Variants in SYNPO2 observed in about 807,000 individuals in gnomAD.
The protein encoded by SYNPO2 is synaptopodin 2, also known as synaptopodin-2.
Under a neutral mutation model 85.0 loss-of-function variants are expected in SYNPO2, and 56 were observed. The observed-to-expected ratio is 0.66, with a 90% CI of 0.53 to 0.82. The LOEUF (loss-of-function observed/expected upper bound fraction) is 0.82, where lower values mean the gene tolerates loss of function less well. SYNPO2 is among the 40% of genes least tolerant of loss of function. SYNPO2 has a pLI of 0.00. For missense variants in SYNPO2, 1,575 were observed against 1,534.2 expected, an observed-to-expected ratio of 1.03 and a Z score of -0.44; for synonymous variants, 602 against 591.1, an observed-to-expected ratio of 1.02 and a Z score of -0.27.
chr4:119,023,866 A>G (rs1317474967), intron 2 of SYNPO2, among the ~76,000 whole-genome samples: 1 of 152,258 alleles, frequency 6.6e-6, no homozygotes. Flanking sequence ...TATATTGAGC[A>G]TAACTTAATA....
At chr4:118,920,809 C>A (rs1733506740) in intron 1 of SYNPO2, among the ~76,000 whole-genome samples, 1 of 151,922 alleles carries the variant, frequency 6.6e-6, no homozygotes, top group African/African-American at 2.4e-5. Flanking sequence ...AATAACCAGG[C>A]AGTAGGTGGG....
chr4:119,037,687 T>C (rs1261781195), intron 4 of SYNPO2: 1 of 976,904 alleles, frequency 1.0e-6, no homozygotes, highest in East Asian at 1.1e-4. Flanking sequence ...AGGAACTGTG[T>C]TAAATATTTT....
rs1738136353 is a variant in SYNPO2, at chr4:119,029,850, A to T, written c.1075A>T (p.Arg359Trp). The T allele has an allele frequency of 6.4e-7, 1 of 1,573,426 alleles. No individual in the cohort carries two copies. The highest frequency in any genetic ancestry group is 8.6e-7 in the Non-Finnish European group (1 of 1,159,598). The change falls in exon 4 of 5, where the codon AGG becomes TGG. Residue 359 changes from arginine to tryptophan, a missense_variant. This residue lies in a region of SYNPO2 where 1,508 missense variants were observed against 1,446.8 expected (regional missense o/e 1.04). Coordinates refer to ENST00000307142, the MANE Select transcript of SYNPO2 (RefSeq NM_133477.3). ...HKHRARHARLRRSESLSEKQV... is the reference protein window; with the variant it reads ...HKHRARHARLWRSESLSEKQV... ...TTTTTTTTTGCTTTCCCTAGGGCTCAGGAGGAGTGAAAGCCTGTCAGAAAA... is the reference window on the plus strand; with the variant it reads ...TTTTTTTTTGCTTTCCCTAGGGCTCTGGAGGAGTGAAAGCCTGTCAGAAAA...
rs376359189 is a variant in SYNPO2 at position 119,051,186 on chromosome 4, A to ATGTTTTTTTTTT, written c.3253-6214_3253-6213insGTTTTTTTTTTT. Among the ~76,000 whole-genome samples, 11 of 100,704 alleles carry ATGTTTTTTTTTT rather than the reference A, an allele frequency of 1.1e-4. 3 individuals carry two copies. Among genetic ancestry groups the ATGTTTTTTTTTT allele is most frequent in the Admixed American group, 2.6e-4 (2 of 7,784 alleles). The allele number at this position is 100,704 out of a possible 152,430, so 66.1% of individuals were successfully genotyped here. On this transcript the variant is annotated intron_variant, in intron 4 of 4. Transcript: ENST00000307142. ...CACTGGGGTAAAGCCATGGGAAGCAATTTTTTTTTTTTTTTTTTTTTGAGA... is the reference window on the plus strand; with the variant it reads ...CACTGGGGTAAAGCCATGGGAAGCAATGTTTTTTTTTTTTTTTTTTTTTTTTTTTTTTTGAGA...
chr4:118,887,609 G>A (rs950416187), upstream of SYNPO2, among the ~76,000 whole-genome samples: 2 of 152,262 alleles, frequency 1.3e-5, no homozygotes, highest in Non-Finnish European at 2.9e-5. Flanking sequence ...AAATGCATGT[G>A]TAGCTGACAT....
At chr4:119,052,247 G>A (rs1739074908) in intron 4 of SYNPO2, among the ~76,000 whole-genome samples, 1 of 152,184 alleles carries the variant, frequency 6.6e-6, no homozygotes, top group African/African-American at 2.4e-5. Context: ...CAGGCTAGGA[G>A]CAAGGGAGAG....
At chr4:118,892,339 T>G (rs1021218803) in intron 1 of SYNPO2, among the ~76,000 whole-genome samples, 3 of 152,178 alleles carry the variant, frequency 2.0e-5, no homozygotes, top group Non-Finnish European at 4.4e-5. Flanking sequence ...TTAATTTATA[T>G]TCTAAATATA....
chr4:118,879,883 A>C (rs1732045319), intron 1 of SYNPO2, among the ~76,000 whole-genome samples: 1 of 151,694 alleles, frequency 6.6e-6, no homozygotes, highest in South Asian at 2.1e-4. Context: ...GAGACCCTGC[A>C]ACCGTTTGCC....
rs66895824 is a variant in SYNPO2, at chr4:119,007,216, G to GTATA, written c.106-16188_106-16185dup. Among the ~76,000 whole-genome samples, 213 of 46,238 alleles carry GTATA rather than the reference G, an allele frequency of 4.6e-3. 2 individuals are homozygous for GTATA. The highest frequency in any genetic ancestry group is 0.015 in the South Asian group (17 of 1,152). The allele number at this position is 46,238 out of a possible 152,430, so 30.3% of individuals were successfully genotyped here. A position where few individuals can be genotyped will look rare whatever the true frequency, so the allele number is the denominator to read the frequency against. ...ATTCCCAAAACAAAAAAGAACAAAG[G>GTATA]TATATATATATATATATATATATAT... On this transcript the variant is annotated intron_variant, in intron 1 of 4. Transcript: ENST00000307142.
chr4:118,961,078 T>G (rs1328318389), intron 1 of SYNPO2, among the ~76,000 whole-genome samples: 2 of 147,788 alleles, frequency 1.4e-5, no homozygotes, highest in South Asian at 2.2e-4. Flanking sequence ...ACAGTGGTTC[T>G]CAACTGGGGG....
chr4:119,033,608 T>C (rs1488943713), intron 4 of SYNPO2: 1 of 985,426 alleles, frequency 1.0e-6, no homozygotes, highest in Non-Finnish European at 1.2e-6. Context: ...AAAACTTGCC[T>C]GGTTTGAGGG....
intron 1 of SYNPO2, among the ~76,000 whole-genome samples, chr4:118,895,553 C>T (rs1004803556): frequency 2.0e-5 from 3 of 152,162 alleles, no homozygotes; most frequent in African/African-American, 7.2e-5. Flanking sequence ...GGAAATCAGG[C>T]TTCTGATAAT....
At chr4:118,921,820 CTT>C (rs1733550513) in intron 1 of SYNPO2, among the ~76,000 whole-genome samples, 1 of 151,334 alleles carries the variant, frequency 6.6e-6, no homozygotes, top group Non-Finnish European at 1.5e-5. Flanking sequence ...TTTTTGACAT[CTT>C]GTTTTCATTC....
intron 1 of SYNPO2, among the ~76,000 whole-genome samples, chr4:118,984,192 A>T (rs915127926): frequency 1.1e-4 from 16 of 152,156 alleles, no homozygotes; most frequent in Non-Finnish European, 2.1e-4. Flanking sequence ...AGTCCTTTCC[A>T]TACAAAAGAA....
chr4:118,865,251 A>G (rs894030972), intron 1 of SYNPO2, among the ~76,000 whole-genome samples: 14 of 152,198 alleles, frequency 9.2e-5, no homozygotes, highest in Admixed American at 6.5e-5. Flanking sequence ...AGGAACTGGA[A>G]GCAGGTAGGA....
At chr4:119,057,190 G>A (rs1465502863) in intron 4 of SYNPO2, among the ~76,000 whole-genome samples, 1 of 152,162 alleles carries the variant, frequency 6.6e-6, no homozygotes, top group Non-Finnish European at 1.5e-5. Flanking sequence ...AGATCAAGTG[G>A]CAGCCCACCA....
At chr4:118,927,739 G>GATA in intron 1 of SYNPO2, among the ~76,000 whole-genome samples, 1 of 135,192 alleles carries the variant, frequency 7.4e-6, no homozygotes, top group East Asian at 2.1e-4. Context: ...TAGATAGATA[G>GATA]ATAGATAGAT....
chr4:118,941,077 G>A (rs1388265897), intron 1 of SYNPO2, among the ~76,000 whole-genome samples: 3 of 152,188 alleles, frequency 2.0e-5, no homozygotes, highest in African/African-American at 7.2e-5. Context: ...CTGAGTATTG[G>A]ACATGTCGAC....
Position 119,017,524 on chromosome 4 carries a change from T to C in SYNPO2, c.106-5906T>C, listed in dbSNP as rs182303718. ...AGCTTCCAAAAGAACTACTAGAACA[T>C]GTAGTGTACATTTTCTGTCAAAAAA... On this transcript the variant is annotated intron_variant, in intron 1 of 4. Coordinates refer to ENST00000307142, the MANE Select transcript of SYNPO2 (RefSeq NM_133477.3). 1.8e-3 allele frequency among the ~76,000 whole-genome samples: 263 copies of C among 143,394 alleles called. 2 individuals carry two copies. Among genetic ancestry groups the C allele is most frequent in the African/African-American group, 6.3e-3 (244 of 38,988 alleles). 94.1% of individuals were successfully genotyped at this position (143,394 alleles called of 152,430 possible).
Sources: gnomAD v4.1 joint callset for allele counts (sites outside exome capture counted in the v4.1 genomes callset) on GRCh38, gnomAD v4.1.1 for gene constraint, gnomAD v4.1.1 regional missense constraint, MANE v1.5 for transcripts, NCBI Gene and HGNC (gene_info 2026-07-23, HGNC 2026-07-21) for gene names.